SLC23A2: variants seen among roughly 807,000 people sequenced by gnomAD.
The protein encoded by SLC23A2 is Na(+)/L-ascorbic acid transporter 2.
Under a neutral mutation model 73.3 loss-of-function variants are expected in SLC23A2, and 36 were observed. The ratio of observed to expected loss-of-function variants is 0.49; its 90% CI spans 0.38 to 0.65. The LOEUF (loss-of-function observed/expected upper bound fraction) is 0.65. Ranked by LOEUF, SLC23A2 falls within the 30% of genes least tolerant of loss-of-function variation. SLC23A2 has a pLI of 0.00. For missense variants in SLC23A2, 507 were observed against 841.6 expected, an observed-to-expected ratio of 0.60 and a Z score of 4.92; for synonymous variants, 343 against 327.3, an observed-to-expected ratio of 1.05 and a Z score of -0.52.
At chr20:4,859,438 C>A in intron 15 of SLC23A2, 54 bp from the exon 16 acceptor site, 1 of 1,208,344 alleles carries the variant, frequency 8.3e-7, no homozygotes. Flanking sequence ...GGTGAGCCTG[C>A]CCTTGACTTG....
rs1359327560 is a variant in SLC23A2, at chr20:4,862,895, G to T, written c.1369C>A (p.Arg457Ser). Residue 457 changes from arginine to serine, a missense_variant, in exon 14 of 17, where the codon CGC becomes AGC. By Grantham distance (110) the Arg-to-Ser change is moderately radical. This residue lies in a region of SLC23A2 where 168 missense variants were observed against 302.3 expected (regional missense o/e 0.56). Coordinates refer to ENST00000338244, the MANE Select transcript of SLC23A2 (RefSeq NM_005116.6). The surrounding 1 kb of genome is among the most constrained non-coding windows in gnomAD (Gnocchi z 5.1). Reference sequence around the variant, plus strand: ...AGGGCTGCTCCGCACTGTATCACGCGGCGGCTGCCGACCTGCAGAACACAC... The same window carrying T: ...AGGGCTGCTCCGCACTGTATCACGCTGCGGCTGCCGACCTGCAGAACACAC... ...VLGITKVGSR[R>S]VIQCGAALML... is the part of the protein sequence containing the mutation. The T allele has an allele frequency of 6.2e-7, 1 of 1,610,652 alleles. No individual in the cohort carries two copies. Among genetic ancestry groups the T allele is most frequent in the African/African-American group, 1.3e-5 (1 of 74,964 alleles).
chr20:4,862,863 G>A lies in SLC23A2; in HGVS notation c.1401C>T (p.Leu467=), dbSNP rs34068132. The A allele has an allele frequency of 6.8e-6, 11 of 1,613,774 alleles. No individual in the cohort carries two copies. The highest frequency in any genetic ancestry group is 2.7e-5 in the African/African-American group (2 of 74,934). ...TGAACTTCCCGATCATGCCCAGAGC[G>A]AGCATGAGGGCTGCTCCGCACTGTA... ...RVIQCGAALM[L]ALGMIGKFSA... is the part of the protein sequence containing the mutation. Residue 467 remains leucine (L), a synonymous_variant, in exon 14 of 17, where the codon CTC becomes CTT. Coordinates refer to ENST00000338244, the MANE Select transcript of SLC23A2 (RefSeq NM_005116.6). This position sits in a 1 kb window ranked among gnomAD's most constrained non-coding sequence, Gnocchi z 5.1.
upstream of SLC23A2, among the ~76,000 whole-genome samples, chr20:5,004,683 TA>T (rs1258397032): frequency 6.6e-6 from 1 of 152,158 alleles, no homozygotes; most frequent in Non-Finnish European, 1.5e-5. Context: ...CATCTCTGAA[TA>T]AATAAATAAA....
chr20:4,950,909 T>C (rs1340340998), intron 2 of SLC23A2, among the ~76,000 whole-genome samples: 1 of 152,008 alleles, frequency 6.6e-6, no homozygotes, highest in African/African-American at 2.4e-5. Context: ...AGCTCAGCAG[T>C]GGGATAAGAG....
upstream of SLC23A2, among the ~76,000 whole-genome samples, chr20:5,004,038 C>G (rs537422930): frequency 5.9e-5 from 9 of 152,192 alleles, no homozygotes; most frequent in African/African-American, 2.2e-4. Context: ...TATCTCCTTT[C>G]TCCCCTGCCC....
chr20:4,961,109 C>CTTT (rs1168797126), intron 2 of SLC23A2, among the ~76,000 whole-genome samples: 5 of 131,142 alleles, frequency 3.8e-5, no homozygotes, highest in African/African-American at 5.6e-5. Context: ...TTTTCTTTTT[C>CTTT]TTTTTTTTTT....
intron 2 of SLC23A2, among the ~76,000 whole-genome samples, chr20:4,957,353 T>A (rs1164899748): frequency 6.6e-6 from 1 of 151,808 alleles, no homozygotes; most frequent in East Asian, 1.9e-4. Context: ...TCCCAGCTAC[T>A]CAGTAGGCTG....
intron 2 of SLC23A2, among the ~76,000 whole-genome samples, chr20:4,970,106 C>T (rs1031297783): frequency 2.0e-5 from 3 of 151,928 alleles, no homozygotes; most frequent in Admixed American, 6.6e-5. Context: ...AGGTTCCTCA[C>T]GTATAAACCT....
At chr20:4,971,162 G>A (rs1345096492) in intron 1 of SLC23A2, among the ~76,000 whole-genome samples, 1 of 151,894 alleles carries the variant, frequency 6.6e-6, no homozygotes, top group Non-Finnish European at 1.5e-5. Context: ...TAGTATTTTA[G>A]AACACCTATA....
intron 16 of SLC23A2, among the ~76,000 whole-genome samples, chr20:4,858,269 G>C (rs777618109): frequency 6.6e-6 from 1 of 152,222 alleles, no homozygotes; most frequent in Non-Finnish European, 1.5e-5. Context: ...ATGGGTCAGG[G>C]AGGAAGCTCT....
intron 1 of SLC23A2, among the ~76,000 whole-genome samples, chr20:4,972,862 G>GTGTGAGT (rs2087586032): frequency 2.0e-5 from 3 of 151,966 alleles, no homozygotes; most frequent in African/African-American, 7.3e-5. Flanking sequence ...GGGATTACAG[G>GTGTGAGT]CACAAGCCAC....
intron 2 of SLC23A2, among the ~76,000 whole-genome samples, chr20:4,964,498 T>C (rs1293237719): frequency 6.6e-6 from 1 of 152,152 alleles, no homozygotes; most frequent in Non-Finnish European, 1.5e-5. Context: ...ATGCCTAAAA[T>C]AGAGGACTGG....
At chr20:4,870,771 A>AG (rs959897528) in intron 11 of SLC23A2, among the ~76,000 whole-genome samples, 3 of 152,288 alleles carry the variant, frequency 2.0e-5, no homozygotes, top group African/African-American at 7.2e-5. Context: ...GGCCTTCCCC[A>AG]GGGGAGGACA....
rs200241586 is a variant in SLC23A2 at position 4,857,163 on chromosome 20, C to T, written c.1762G>A (p.Val588Met). 2 of 1,611,860 alleles carry T rather than the reference C, an allele frequency of 1.2e-6. No homozygotes were observed. Among genetic ancestry groups the T allele is most frequent in the Admixed American group, 1.7e-5 (1 of 59,848 alleles). ...ERGIRKWKKG[V>M]GKGNKSLDGM... ...TCGAGTGATTTGTTCCCTTTGCCCA[C>T]ACCCTTCTTCCATTTCCGGATTCCT... The change falls in exon 17 of 17, where the codon GTG (valine) becomes ATG (methionine). Residue 588 changes from valine (V) to methionine (M), a missense_variant. Physicochemically the swap from Val to Met is conservative, Grantham distance 21. This residue lies in a region of SLC23A2 where 168 missense variants were observed against 302.3 expected (regional missense o/e 0.56). Transcript: ENST00000338244. This position sits in a 1 kb window ranked among gnomAD's most constrained non-coding sequence, Gnocchi z 4.0.
In SLC23A2 at chr20:4,856,978, C is replaced by T. The variant is rs147205702; in HGVS notation, c.1947G>A (p.Thr649=). ...CCACAGGGCACAGCAAAGGCTATCC[C>T]GTGGCCTGGGAGTCTTCATCTGAAC... ...SRSSDEDSQA[T]G The change falls in exon 17 of 17, where the codon ACG becomes ACA. Residue 649 remains threonine (T), a synonymous_variant. Transcript: ENST00000338244. This position sits in a 1 kb window ranked among gnomAD's most constrained non-coding sequence, Gnocchi z 4.6. 146 of 1,610,358 alleles carry T rather than the reference C, an allele frequency of 9.1e-5. No homozygotes were observed. The highest frequency in any genetic ancestry group is 1.2e-4 in the Non-Finnish European group (137 of 1,176,994).
chr20:4,944,359 C>G (rs2087085124), intron 2 of SLC23A2, among the ~76,000 whole-genome samples: 1 of 152,156 alleles, frequency 6.6e-6, no homozygotes, highest in Admixed American at 6.5e-5. Flanking sequence ...CTGCCTCAGC[C>G]TCCCAAGCAG....
In SLC23A2 at chr20:4,883,821, G is replaced by A. The variant is rs1166381957; in HGVS notation, c.645C>T (p.Ile215=). ...EHIWYPRIRE[I]QGAIIMSSLI... Reference sequence around the variant, plus strand: ...GTGAGGACATGATGATGGCCCCCTGGATCTGCAACAAGAGATGGCACAGAC... The same window carrying A: ...GTGAGGACATGATGATGGCCCCCTGAATCTGCAACAAGAGATGGCACAGAC... The change falls in exon 9 of 17, where the codon ATC becomes ATT. Residue 215 remains isoleucine (I), a splice_region_variant and synonymous_variant. Transcript: ENST00000338244. The surrounding 1 kb of genome is among the most constrained non-coding windows in gnomAD (Gnocchi z 4.5). The A allele has an allele frequency of 1.2e-6, 2 of 1,604,816 alleles. No individual in the cohort carries two copies. The highest frequency in any genetic ancestry group is 1.7e-6 in the Non-Finnish European group (2 of 1,175,334).
intron 2 of SLC23A2, among the ~76,000 whole-genome samples, chr20:4,961,011 A>C (rs2087373204): frequency 6.6e-6 from 1 of 152,216 alleles, no homozygotes; most frequent in Non-Finnish European, 1.5e-5. Flanking sequence ...CAGAGATGGA[A>C]ACTGGGACAA....
intron 3 of SLC23A2, among the ~76,000 whole-genome samples, chr20:4,913,335 T>A (rs1258186050): frequency 6.6e-6 from 1 of 152,152 alleles, no homozygotes; most frequent in Non-Finnish European, 1.5e-5. Context: ...TTCCTGCACC[T>A]AGAAGGGGAA....
Sources: gnomAD v4.1 joint callset for allele counts (sites outside exome capture counted in the v4.1 genomes callset) on GRCh38, gnomAD v4.1.1 for gene constraint, gnomAD v4.1.1 regional missense constraint, Gnocchi (gnomAD v3.1) non-coding constraint, MANE v1.5 for transcripts, NCBI Gene and HGNC (gene_info 2026-07-23, HGNC 2026-07-21) for gene names.